The following KCNMA1 variants were observed in gnomAD, a reference collection of about 807,000 sequenced individuals.
KCNMA1 encodes Calcium-activated potassium channel subunit alpha-1.
A neutral mutation model predicts 140.0 loss-of-function variants in KCNMA1; 29 were observed. The ratio of observed to expected loss-of-function variants is 0.21; its 90% CI spans 0.15 to 0.28. KCNMA1 has a LOEUF of 0.28. Among genes scored for constraint, KCNMA1 ranks in the 10% least tolerant of loss-of-function variants. The pLI, the probability that KCNMA1 is intolerant of heterozygous loss-of-function variation, is 1.00. For missense variants in KCNMA1, 880 were observed against 1,602.2 expected (o/e 0.55, Z 7.70); for synonymous variants, 612 against 611.9 (o/e 1.00, Z 0.00).
chr10:77,222,673 G>C (rs11595437), intron 3 of KCNMA1, among the ~76,000 whole-genome samples: 7,806 of 152,236 alleles, frequency 0.051, 239 homozygotes, highest in Non-Finnish European at 0.067. Context: ...CCTGTTGTAT[G>C]GGCTAGATTC....
chr10:77,530,800 A>G (rs1829591079), intron 1 of KCNMA1, among the ~76,000 whole-genome samples: 1 of 152,134 alleles, frequency 6.6e-6, no homozygotes, highest in African/African-American at 2.4e-5. Context: ...ACTAATATTC[A>G]GTGCATATTA....
At chr10:77,112,573 T>G (rs1422572030) in intron 6 of KCNMA1, 131 bp from the exon 7 acceptor site, 1 of 706,818 alleles carries the variant, frequency 1.4e-6, no homozygotes, top group African/African-American at 1.8e-5. Context: ...TTCTCCATTA[T>G]AAGGGAATTC....
intron 1 of KCNMA1, among the ~76,000 whole-genome samples, chr10:77,482,890 G>C (rs1307682717): frequency 6.6e-6 from 1 of 150,424 alleles, no homozygotes; most frequent in Non-Finnish European, 1.5e-5. Context: ...ATGCCCCCAA[G>C]TCTCTCTCTT....
intron 19 of KCNMA1, among the ~76,000 whole-genome samples, chr10:76,974,919 A>C (rs1012074906): frequency 1.3e-5 from 2 of 152,150 alleles, no homozygotes; most frequent in African/African-American, 4.8e-5. Flanking sequence ...TTCTTTCCTG[A>C]AGTCTGCTAA....
At chr10:77,278,710 A>T (rs1248014088) in intron 2 of KCNMA1, among the ~76,000 whole-genome samples, 1 of 152,240 alleles carries the variant, frequency 6.6e-6, no homozygotes, top group Non-Finnish European at 1.5e-5. Context: ...GTAAAAGTGA[A>T]GAATCACATG....
chr10:77,380,698 G>A (rs921001629), intron 2 of KCNMA1, among the ~76,000 whole-genome samples: 1 of 152,178 alleles, frequency 6.6e-6, no homozygotes, highest in South Asian at 2.1e-4. Context: ...TAGGAGCTCA[G>A]ATGAATGATC....
intron 13 of KCNMA1, 111 bp downstream of exon 13, chr10:77,079,370 G>GTGTT (rs2096497526): frequency 2.5e-6 from 1 of 402,864 alleles, no homozygotes; most frequent in African/African-American, 9.6e-5. Context: ...GCATGTGAGA[G>GTGTT]TGTGTGTGTG....
chr10:77,525,040 C>G (rs919543323), intron 1 of KCNMA1, among the ~76,000 whole-genome samples: 1 of 152,190 alleles, frequency 6.6e-6, no homozygotes, highest in Non-Finnish European at 1.5e-5. Context: ...AGCTCACTTT[C>G]AGTAAGGTAC....
chr10:77,484,275 C>T (rs1299293813), intron 1 of KCNMA1, among the ~76,000 whole-genome samples: 3 of 152,182 alleles, frequency 2.0e-5, no homozygotes, highest in Non-Finnish European at 4.4e-5. Flanking sequence ...ACGTGGGTGT[C>T]GTTATCTACA....
rs552532347 is a variant in KCNMA1, at chr10:77,233,291, C to T, written c.602+17904G>A. 1.1e-3 allele frequency among the ~76,000 whole-genome samples: 161 copies of T among 152,218 alleles called. 2 individuals carry two copies. Among genetic ancestry groups the T allele is most frequent in the Non-Finnish European group, 1.4e-3 (96 of 68,014 alleles). Reference sequence around the variant, plus strand: ...ATTATTACTCTTTCTAAAGTAATAGCCTAATGCCCAATACAAGTCATTCTC... The same window carrying T: ...ATTATTACTCTTTCTAAAGTAATAGTCTAATGCCCAATACAAGTCATTCTC... On this transcript the variant is annotated intron_variant, in intron 3 of 27. Coordinates refer to ENST00000286628, the MANE Select transcript of KCNMA1 (RefSeq NM_001161352.2).
intron 1 of KCNMA1, among the ~76,000 whole-genome samples, chr10:77,509,969 T>G (rs932762814): frequency 6.6e-6 from 1 of 151,910 alleles, no homozygotes; most frequent in African/African-American, 2.4e-5. Flanking sequence ...GGGGCTGATA[T>G]CATAACCCAA....
rs2097325987 is a variant in KCNMA1, at chr10:77,111,585, A to G, written c.960+782T>C. Among the ~76,000 whole-genome samples, 7 of 152,314 alleles carry G rather than the reference A, an allele frequency of 4.6e-5. No homozygotes were observed. The South Asian group carries it at 1.5e-3, about 32-fold the overall frequency. On this transcript the variant is annotated intron_variant, in intron 7 of 27. Coordinates refer to ENST00000286628, the MANE Select transcript of KCNMA1 (RefSeq NM_001161352.2). ...AGACTCTAGATCTGGTGACTACGTG[A>G]GGCCCCATGCCCCAACCACTGCCAT...
chr10:77,486,387 A>T (rs2098460865), intron 1 of KCNMA1, among the ~76,000 whole-genome samples: 1 of 152,174 alleles, frequency 6.6e-6, no homozygotes, highest in Non-Finnish European at 1.5e-5. Context: ...ACCATTACTC[A>T]AACTGCATAG....
intron 24 of KCNMA1, 191 bp from the exon 25 acceptor site, chr10:76,910,287 T>G: frequency 1.6e-6 from 1 of 615,118 alleles, no homozygotes; most frequent in South Asian, 1.7e-5. Context: ...TGTCACTGTT[T>G]AAGTGTCTGA....
chr10:77,263,677 C>T (rs932846990), intron 2 of KCNMA1, among the ~76,000 whole-genome samples: 1 of 152,094 alleles, frequency 6.6e-6, no homozygotes, highest in East Asian at 1.9e-4. Context: ...CCATCTAAGC[C>T]CTATAGTGTC....
At chr10:76,918,360 T>A (rs1430528800) in intron 23 of KCNMA1, among the ~76,000 whole-genome samples, 9 of 152,208 alleles carry the variant, frequency 5.9e-5, no homozygotes, top group Admixed American at 5.9e-4. Flanking sequence ...GTTTAAATCA[T>A]CCACAGCCAA....
chr10:77,281,171 C>A (rs2068461162), intron 2 of KCNMA1, among the ~76,000 whole-genome samples: 1 of 152,082 alleles, frequency 6.6e-6, no homozygotes, highest in African/African-American at 2.4e-5. Context: ...ATCTTGTTAA[C>A]TCAAATATAA....
At chr10:77,320,366 G>T (rs148956385) in intron 2 of KCNMA1, among the ~76,000 whole-genome samples, 1 of 152,194 alleles carries the variant, frequency 6.6e-6, no homozygotes, top group African/African-American at 2.4e-5. Flanking sequence ...AAACTTTCAT[G>T]CAGGTTTCTC....
chr10:77,128,781 T>G (rs956576933), intron 5 of KCNMA1, among the ~76,000 whole-genome samples: 1 of 152,196 alleles, frequency 6.6e-6, no homozygotes, highest in Non-Finnish European at 1.5e-5. Flanking sequence ...TGGACACTAA[T>G]TTTCTACACT....
Sources: allele counts gnomAD v4.1 joint callset (sites outside exome capture counted in the v4.1 genomes callset), GRCh38; gene constraint gnomAD v4.1.1; transcripts MANE v1.5; gene names NCBI Gene and HGNC (gene_info 2026-07-23, HGNC 2026-07-21).